The following FRMPD3 variants were observed in gnomAD, a reference collection of about 807,000 sequenced individuals.
FRMPD3 encodes FERM and PDZ domain containing 3.
FRMPD3 carries 42 observed loss-of-function variants against 97.9 expected under a neutral mutation model. The ratio of observed to expected loss-of-function variants is 0.43; its 90% CI spans 0.34 to 0.55. FRMPD3 has a LOEUF of 0.55. Among genes scored for constraint, FRMPD3 ranks in the 20% least tolerant of loss-of-function variants. The pLI is 0.03. For synonymous variants in FRMPD3, 577 were observed against 581.1 expected (o/e 0.99, Z 0.10); for missense variants, 1,303 against 1,457.7 (o/e 0.89, Z 1.73).
Position 107,597,818 on chromosome X carries a change from C to A in FRMPD3, c.1939C>A (p.Pro647Thr). The A allele has an allele frequency of 8.4e-7, 1 of 1,184,924 alleles. No individual in the cohort carries two copies. The change falls in exon 14 of 15, where the codon CCT becomes ACT. Residue 647 changes from proline (P) to threonine (T), a missense_variant. Pro to Thr is a conservative substitution (Grantham distance 38). This residue lies in a region of FRMPD3 where 535 missense variants were observed against 618.6 expected (regional missense o/e 0.86). Coordinates refer to ENST00000683843, the MANE Select transcript of FRMPD3 (RefSeq NM_001388459.1). ...NIVDLMSLPP[P>T]GSEEEEEEED... ...AGTAGATTTGATGTCCCTCCCACCA[C>A]CTGGGAGTGAGGAGGAGGAGGAGGA...
At chrX:107,456,044 G>T (rs1436795111) in intron 1 of FRMPD3, among the ~76,000 whole-genome samples, 3 of 110,646 alleles carry the variant, frequency 2.7e-5, no homozygotes, top group African/African-American at 9.9e-5. Context: ...GATAGAGTGG[G>T]TATAGTGGAT....
At chrX:107,545,872 C>G in intron 5 of FRMPD3, 31 bp downstream of exon 5, 2 of 1,081,977 alleles carry the variant, frequency 1.8e-6, no homozygotes, top group African/African-American at 3.6e-5. Context: ...CTCTCCTCAG[C>G]CCCTGGCCAT....
chrX:107,480,895 GGAAAGAAAGAAAGAAA>G (rs59050601), intron 1 of FRMPD3, among the ~76,000 whole-genome samples: 1,084 of 60,535 alleles, frequency 0.018, 20 homozygotes, highest in African/African-American at 0.049. Context: ...AAGGAAGGAA[GGAAAGAAAGAAAGAAA>G]GAAAGAAAGA....
intron 12 of FRMPD3, among the ~76,000 whole-genome samples, chrX:107,566,193 G>T (rs1039766215): frequency 8.8e-6 from 1 of 113,370 alleles, no homozygotes; most frequent in African/African-American, 3.2e-5. Context: ...CTGCCTGCCA[G>T]CTGGCGGAAG....
At chrX:107,548,829 G>T (rs2147578284) in intron 5 of FRMPD3, among the ~76,000 whole-genome samples, 1 of 111,889 alleles carries the variant, frequency 8.9e-6, no homozygotes, top group African/African-American at 3.2e-5. Flanking sequence ...AGGCAATAGA[G>T]CGAGACCCTG....
chrX:107,490,973 T>C (rs1456405184), intron 1 of FRMPD3, among the ~76,000 whole-genome samples: 4 of 112,177 alleles, frequency 3.6e-5, no homozygotes, highest in African/African-American at 6.5e-5. Context: ...CTACCTCACA[T>C]ACATCATCTC....
intron 1 of FRMPD3, among the ~76,000 whole-genome samples, chrX:107,471,549 T>C (rs1244309230): frequency 9.0e-6 from 1 of 110,715 alleles, no homozygotes; most frequent in Non-Finnish European, 1.9e-5. Context: ...GAACATGCAG[T>C]GTTTGGTTTT....
chrX:107,590,885 T>C (rs1426405393), intron 13 of FRMPD3, among the ~76,000 whole-genome samples: 1 of 112,305 alleles, frequency 8.9e-6, no homozygotes, highest in Non-Finnish European at 1.9e-5. Flanking sequence ...GGTTTTGGTA[T>C]CAAGGTAGTA....
intron 1 of FRMPD3, among the ~76,000 whole-genome samples, chrX:107,466,153 C>T (rs1299393838): frequency 2.7e-5 from 3 of 112,768 alleles, no homozygotes; most frequent in Non-Finnish European, 3.7e-5. Flanking sequence ...TCACACCTTG[C>T]TGCACAAATG....
intron 13 of FRMPD3, among the ~76,000 whole-genome samples, chrX:107,591,840 A>G (rs1923918874): frequency 8.9e-6 from 1 of 112,088 alleles, no homozygotes; most frequent in Non-Finnish European, 1.9e-5. Context: ...GCAATGTGAA[A>G]TAAGCACATC....
chrX:107,518,673 T>A (rs904413578), intron 1 of FRMPD3, among the ~76,000 whole-genome samples: 2 of 112,359 alleles, frequency 1.8e-5, no homozygotes, highest in African/African-American at 6.5e-5. Flanking sequence ...TGGAAAACAG[T>A]ATGATGATTC....
Position 107,602,130 on chromosome X carries a change from C to T in FRMPD3, c.4091C>T (p.Ser1364Leu), listed in dbSNP as rs779914887. The change falls in exon 15 of 15, where the codon TCG (serine) becomes TTG (leucine). Residue 1364 changes from serine (S) to leucine (L), a missense_variant. By Grantham distance (145) the Ser-to-Leu change is moderately radical. Around this residue, in one of 3 missense-constraint regions of FRMPD3, gnomAD observed 764 missense variants for 820.2 expected, o/e 0.93. Transcript: ENST00000683843. ...AGCCTGGAGTCCCGAGAGTGCCGAT[C>T]GGACCCTGAGAGTGGTGTTTCGTGC... Reference protein sequence around the residue: ...STSLESRECRSDPESGVSCLT... With the variant: ...STSLESRECRLDPESGVSCLT... 4.1e-5 allele frequency: 49 copies of T among 1,208,997 alleles called. No individual in the cohort carries two copies. The East Asian group carries it at 4.4e-4, about 11-fold the overall frequency.
chrX:107,605,052 T>C lies in FRMPD3; in HGVS notation c.*1679T>C, dbSNP rs1480893313. 9.1e-6 allele frequency: 1 copy of C among 110,308 alleles called. No homozygotes were observed. Among genetic ancestry groups the C allele is most frequent in the Non-Finnish European group, 1.9e-5 (1 of 52,805 alleles). The allele number at this position is 110,308 out of a possible 1,213,427, so 9.1% of individuals were successfully genotyped here. ...GAGTGCTGATATGGTCTTCTTTTTC[T>C]CCCAACTTCGCCACTCAGCCCCTGC... On this transcript the variant is annotated 3_prime_UTR_variant, in exon 15 of 15. Coordinates refer to ENST00000683843, the MANE Select transcript of FRMPD3 (RefSeq NM_001388459.1).
chrX:107,506,647 CCCCG>C (rs1050686225), intron 1 of FRMPD3, among the ~76,000 whole-genome samples: 111 of 112,495 alleles, frequency 9.9e-4, no homozygotes, highest in Non-Finnish European at 4.1e-4. Flanking sequence ...TTCCCAGGTC[CCCCG>C]AGTGGGCTGG....
intron 12 of FRMPD3, among the ~76,000 whole-genome samples, chrX:107,568,566 CA>C (rs749398991): frequency 0.065 from 3,405 of 52,774 alleles, 215 homozygotes; most frequent in African/African-American, 0.2. Flanking sequence ...ACTAAAAATG[CA>C]AAAAAAAAAA....
chrX:107,555,561 C>T (rs1218733041), intron 8 of FRMPD3, among the ~76,000 whole-genome samples: 1 of 111,874 alleles, frequency 8.9e-6, no homozygotes, highest in Non-Finnish European at 1.9e-5. Context: ...GCCCAAAAGA[C>T]TTTGAGAACC....
rs779330066 is a variant in FRMPD3, at chrX:107,547,866, C to T, written c.402+2025C>T. On this transcript the variant is annotated intron_variant, in intron 5 of 14. Transcript: ENST00000683843. ...ATTCAATTAAGTAATTATCTGAGTCCAACCCAGTGTGCTAAATAAAACCTG... is the reference window on the plus strand; with the variant it reads ...ATTCAATTAAGTAATTATCTGAGTCTAACCCAGTGTGCTAAATAAAACCTG... Among the ~76,000 whole-genome samples, 4 of 111,933 alleles carry T rather than the reference C, an allele frequency of 3.6e-5. No individual in the cohort carries two copies. In the South Asian group the frequency reaches 1.5e-3, roughly 42 times the overall value.
intron 1 of FRMPD3, among the ~76,000 whole-genome samples, chrX:107,474,259 C>T (rs766549914): frequency 1.8e-5 from 2 of 111,573 alleles, no homozygotes; most frequent in East Asian, 2.8e-4. Flanking sequence ...CCTTTATTTA[C>T]AATAGCTGCA....
At chrX:107,476,075 G>A (rs1446635345) in intron 1 of FRMPD3, among the ~76,000 whole-genome samples, 1 of 111,567 alleles carries the variant, frequency 9.0e-6, no homozygotes, top group Non-Finnish European at 1.9e-5. Context: ...AGTAGAGACG[G>A]GTTTTCACCA....
Sources: allele counts gnomAD v4.1 joint callset (sites outside exome capture counted in the v4.1 genomes callset), GRCh38; gene constraint gnomAD v4.1.1; regional missense constraint gnomAD v4.1.1; transcripts MANE v1.5; gene names NCBI Gene and HGNC (gene_info 2026-07-23, HGNC 2026-07-21).